The following DNAH8 variants were observed in gnomAD, a reference collection of about 807,000 sequenced individuals.
The protein encoded by DNAH8 is axonemal beta dynein heavy chain 8.
A neutral mutation model predicts 562.1 loss-of-function variants in DNAH8; 382 were observed. The observed-to-expected ratio is 0.68, with a 90% confidence interval of 0.63 to 0.74. The LOEUF is 0.74. DNAH8 is among the 30% of genes least tolerant of loss of function. The probability of loss-of-function intolerance (pLI) is 0.00; values close to 1 mark genes in which losing one functional copy is unlikely to be tolerated. For missense variants in DNAH8, 5,203 were observed against 5,620.4 expected (o/e 0.93, Z 2.37); for synonymous variants, 1,881 against 1,919.4 (o/e 0.98, Z 0.52).
chr6:38,870,347 GATAA>G (rs1777371101), intron 48 of DNAH8, 50 bp from the exon 49 acceptor site: 1 of 1,542,632 alleles, frequency 6.5e-7, no homozygotes. Context: ...CCAGCTAGCT[GATAA>G]ATGTTTGTTG....
intron 27 of DNAH8, 90 bp downstream of exon 27, chr6:38,823,124 G>T (rs1773023862): frequency 1.7e-5 from 20 of 1,192,466 alleles, no homozygotes; most frequent in Non-Finnish European, 1.8e-5. Context: ...ATAATGACAG[G>T]AACCCATGAG....
chr6:38,958,679 C>G (rs1307638309), intron 82 of DNAH8, among the ~76,000 whole-genome samples: 1 of 130,524 alleles, frequency 7.7e-6, no homozygotes, highest in Non-Finnish European at 1.6e-5. Context: ...AGCCCAGGAA[C>G]TGATGGCTTC....
At chr6:38,789,092 A>T (rs925045255) in intron 18 of DNAH8, among the ~76,000 whole-genome samples, 2 of 152,210 alleles carry the variant, frequency 1.3e-5, no homozygotes, top group Non-Finnish European at 2.9e-5. Flanking sequence ...TACATCTTGC[A>T]AGATTTTAGC....
intron 33 of DNAH8, among the ~76,000 whole-genome samples, chr6:38,838,267 T>C (rs1774465231): frequency 6.6e-6 from 1 of 152,244 alleles, no homozygotes; most frequent in Admixed American, 6.5e-5. Flanking sequence ...ATTTTGAGCA[T>C]GCATGGTCTA....
At chr6:38,842,178 C>T (rs551638398) in intron 33 of DNAH8, among the ~76,000 whole-genome samples, 190 bp from the exon 34 acceptor site, 3 of 152,270 alleles carry the variant, frequency 2.0e-5, no homozygotes, top group African/African-American at 7.2e-5. Context: ...GAGCAGTAAA[C>T]TTGGCCTTAA....
chr6:38,768,773 C>T (rs1472154038), intron 11 of DNAH8, among the ~76,000 whole-genome samples: 1 of 151,972 alleles, frequency 6.6e-6, no homozygotes, highest in Non-Finnish European at 1.5e-5. Context: ...TTCTGTTTTC[C>T]TAATCATTCT....
intron 21 of DNAH8, among the ~76,000 whole-genome samples, chr6:38,800,500 T>C (rs2127671492): frequency 6.6e-6 from 1 of 152,236 alleles, no homozygotes; most frequent in South Asian, 2.1e-4. Context: ...GCTAGTGATG[T>C]TGAGCATCTT....
At position 38,872,663 on chromosome 6, in the gene DNAH8, G is replaced by A; in HGVS notation, c.7118G>A (p.Arg2373Gln). ...TGCGGAAGGCCTCATAGAGAAATGC[G>A]AATGAATCCAAAAGCCATTACTGCA... The part of the protein sequence containing the change: ...TECGRPHREM[R>Q]MNPKAITAPQ... The change falls in exon 50 of 93, where the codon CGA becomes CAA. Residue 2373 changes from arginine to glutamine, a missense_variant. By Grantham distance (43) the Arg-to-Gln change is conservative. Coordinates refer to ENST00000327475, the MANE Select transcript of DNAH8 (RefSeq NM_001206927.2). 2 of 1,614,064 alleles carry A rather than the reference G, an allele frequency of 1.2e-6. No individual in the cohort carries two copies. Among genetic ancestry groups the A allele is most frequent in the Non-Finnish European group, 8.5e-7 (1 of 1,179,968 alleles).
chr6:38,956,195 G>T (rs1762233333), intron 82 of DNAH8, among the ~76,000 whole-genome samples: 1 of 152,180 alleles, frequency 6.6e-6, no homozygotes, highest in East Asian at 1.9e-4. Context: ...CTGGGAGTCT[G>T]AGCCTCCATG....
At chr6:38,826,631 G>A (rs185526952) in intron 29 of DNAH8, among the ~76,000 whole-genome samples, 4 of 152,288 alleles carry the variant, frequency 2.6e-5, no homozygotes, top group African/African-American at 7.2e-5. Context: ...CTATAGTGGG[G>A]TAGGTAGTGT....
At chr6:38,896,972 A>G (rs78126176) in intron 60 of DNAH8, among the ~76,000 whole-genome samples, 20,202 of 151,850 alleles carry the variant, frequency 0.13, 1,488 homozygotes, top group South Asian at 0.27. Context: ...TTTTTAGTAG[A>G]GACGAGGTTT....
intron 5 of DNAH8, 27 bp downstream of exon 5, chr6:38,734,652 ATAGT>A (rs758583654): frequency 1.9e-6 from 3 of 1,601,616 alleles, no homozygotes; most frequent in South Asian, 2.2e-5. Context: ...CCCCAAATAC[ATAGT>A]TAAACATTGA....
chr6:38,769,762 G>C (rs1224408887), intron 11 of DNAH8, among the ~76,000 whole-genome samples: 1 of 152,182 alleles, frequency 6.6e-6, no homozygotes, highest in Admixed American at 6.5e-5. Flanking sequence ...GGCAAGAGGA[G>C]GCAGAAGAGT....
At chr6:38,817,575 C>G (rs370796904) in intron 26 of DNAH8, among the ~76,000 whole-genome samples, 20 of 152,332 alleles carry the variant, frequency 1.3e-4, no homozygotes, top group African/African-American at 4.8e-4. Flanking sequence ...TTCTGTTTCA[C>G]TACAGCCCAC....
intron 91 of DNAH8, among the ~76,000 whole-genome samples, chr6:39,022,210 C>T (rs1001456947): frequency 1.1e-4 from 17 of 152,142 alleles, no homozygotes; most frequent in African/African-American, 4.1e-4. Flanking sequence ...CTATAACTTT[C>T]ATTAAGTGTT....
chr6:38,812,530 A>G (rs1771890444), intron 24 of DNAH8, among the ~76,000 whole-genome samples: 1 of 152,224 alleles, frequency 6.6e-6, no homozygotes, highest in South Asian at 2.1e-4. Context: ...CACGCTCTAC[A>G]GAGGCTGCTC....
At chr6:38,800,229 G>C (rs766343977) in intron 21 of DNAH8, among the ~76,000 whole-genome samples, 7 of 150,810 alleles carry the variant, frequency 4.6e-5, no homozygotes, top group Non-Finnish European at 1.0e-4. Flanking sequence ...TTTTTTTGTG[G>C]ACTTAAGTTT....
In DNAH8 at chr6:38,926,121, A is replaced by T; in HGVS notation, c.11029A>T (p.Thr3677Ser). Residue 3677 changes from threonine to serine, a missense_variant, in exon 74 of 93, where the codon ACA becomes TCA. This residue lies in a region of DNAH8 where 1,399 missense variants were observed against 1,518.4 expected (regional missense o/e 0.92). Coordinates refer to ENST00000327475, the MANE Select transcript of DNAH8 (RefSeq NM_001206927.2). ...CTCAATTCAGAATGGCATTATTGTG[A>T]CAAAGGCCACCAGATACCCACTCCT... ...DLSIQNGIIV[T>S]KATRYPLLID... 1 of 1,613,854 alleles carries T rather than the reference A, an allele frequency of 6.2e-7. No homozygotes were observed. Among genetic ancestry groups the T allele is most frequent in the Non-Finnish European group, 8.5e-7 (1 of 1,179,828 alleles).
chr6:38,773,082 G>T (rs1678654), intron 12 of DNAH8, among the ~76,000 whole-genome samples: 14,973 of 146,734 alleles, frequency 0.1, 1,373 homozygotes, highest in East Asian at 0.45. Flanking sequence ...CTCCCAAAGT[G>T]CTGGAATTAT....
Sources: gnomAD v4.1 joint callset for allele counts (sites outside exome capture counted in the v4.1 genomes callset) on GRCh38, gnomAD v4.1.1 for gene constraint, gnomAD v4.1.1 regional missense constraint, MANE v1.5 for transcripts, NCBI Gene and HGNC (gene_info 2026-07-23, HGNC 2026-07-21) for gene names.